TEX9: variants seen among roughly 807,000 people sequenced by gnomAD.
The protein encoded by TEX9 is testis-expressed protein 9.
A neutral mutation model predicts 59.6 loss-of-function variants in TEX9; 74 were observed. The ratio of observed to expected loss-of-function variants is 1.24; its 90% CI spans 1.03 to 1.51. The LOEUF (loss-of-function observed/expected upper bound fraction) is 1.51, where lower values mean the gene tolerates loss of function less well. Ranked by LOEUF, TEX9 falls within the 40% of genes most tolerant of loss-of-function variation. The pLI, the probability that TEX9 is intolerant of heterozygous loss-of-function variation, is 0.00. For synonymous variants in TEX9, 186 were observed against 152.2 expected (o/e 1.22, Z -1.64); for missense variants, 522 against 447.8 (o/e 1.17, Z -1.49).
intron 1 of TEX9, among the ~76,000 whole-genome samples, chr15:56,332,693 G>T (rs375827572): frequency 4.7e-5 from 7 of 150,334 alleles, no homozygotes; most frequent in Admixed American, 2.6e-4. Context: ...GACCAGAGCA[G>T]AAATAAATAA....
At chr15:56,253,497 G>A (rs1177644713) in intron 1 of TEX9, among the ~76,000 whole-genome samples, 1 of 152,108 alleles carries the variant, frequency 6.6e-6, no homozygotes, top group East Asian at 1.9e-4. Flanking sequence ...CCCTTCTGAG[G>A]TCCCTAAAGA....
intron 1 of TEX9, among the ~76,000 whole-genome samples, chr15:56,293,802 ACCAT>A (rs2045154764): frequency 1.3e-5 from 2 of 152,208 alleles, no homozygotes; most frequent in Admixed American, 1.3e-4. Flanking sequence ...AGGATTTAAC[ACCAT>A]CCATGACTTC....
intron 1 of TEX9, among the ~76,000 whole-genome samples, chr15:56,265,392 C>A (rs1352670092): frequency 1.3e-5 from 2 of 151,902 alleles, no homozygotes; most frequent in South Asian, 4.2e-4. Context: ...AGGCTGGTCT[C>A]GAACTCCTGG....
At chr15:56,255,345 A>G (rs2044121651) in intron 1 of TEX9, among the ~76,000 whole-genome samples, 1 of 152,128 alleles carries the variant, frequency 6.6e-6, no homozygotes, top group African/African-American at 2.4e-5. Context: ...TAAAAGCTGT[A>G]TGTTTTATAA....
chr15:56,455,030 T>A, the TEX9 span, among the ~76,000 whole-genome samples: 1 of 152,154 alleles, frequency 6.6e-6, no homozygotes, highest in Non-Finnish European at 1.5e-5. Context: ...TTGTTTGGAA[T>A]CAGCAGAAAC....
At chr15:56,367,408 A>G (rs1442668235) in intron 2 of TEX9, among the ~76,000 whole-genome samples, 2 of 152,214 alleles carry the variant, frequency 1.3e-5, no homozygotes, top group African/African-American at 2.4e-5. Flanking sequence ...ATTGATCATT[A>G]GAATGCTACT....
chr15:56,414,440 T>C lies in TEX9; in HGVS notation c.963+2004T>C, dbSNP rs1229974157. ...ACCCCAATGTCTGTTTCCTTCTTTG[T>C]GTTCTGTAAGTTCTTATCATTTAGC... On this transcript the variant is annotated intron_variant, in intron 10 of 12. Transcript: ENST00000352903. Among the ~76,000 whole-genome samples the C allele has an allele frequency of 2.0e-5, 3 of 151,742 alleles. 1 individual carries two copies. The highest frequency in any genetic ancestry group is 7.3e-5 in the African/African-American group (3 of 41,100).
intron 1 of TEX9, among the ~76,000 whole-genome samples, chr15:56,300,757 T>C (rs1032619742): frequency 7.2e-6 from 1 of 138,772 alleles, no homozygotes; most frequent in Non-Finnish European, 1.5e-5. Context: ...CTTCATTTCA[T>C]TTGTTTGGGG....
intron 2 of TEX9, among the ~76,000 whole-genome samples, chr15:56,370,752 C>T (rs755441667): frequency 6.6e-6 from 1 of 152,174 alleles, no homozygotes; most frequent in Non-Finnish European, 1.5e-5. Flanking sequence ...GTGATGTATA[C>T]ACAGGTGGAT....
At chr15:56,435,758 G>A (rs1484170667) in intron 12 of TEX9, among the ~76,000 whole-genome samples, 4 of 151,816 alleles carry the variant, frequency 2.6e-5, no homozygotes, top group Admixed American at 6.6e-5. Context: ...AAATTAACAC[G>A]AATTCTACAC....
intron 1 of TEX9, among the ~76,000 whole-genome samples, chr15:56,338,706 C>T (rs2046306127): frequency 6.6e-6 from 1 of 152,088 alleles, no homozygotes; most frequent in Non-Finnish European, 1.5e-5. Flanking sequence ...CACCTGAGGT[C>T]AGGAGTTTGA....
intron 1 of TEX9, among the ~76,000 whole-genome samples, chr15:56,263,013 C>T (rs1052250465): frequency 9.2e-5 from 14 of 152,048 alleles, no homozygotes; most frequent in Admixed American, 2.0e-4. Flanking sequence ...TAACAACACA[C>T]GTGGCTGTTT....
chr15:56,308,344 A>G (rs1218305157), intron 1 of TEX9, among the ~76,000 whole-genome samples: 2 of 152,146 alleles, frequency 1.3e-5, no homozygotes, highest in Non-Finnish European at 2.9e-5. Context: ...ATCTTTTCAT[A>G]TGCTTATTGA....
chr15:56,431,629 T>C (rs2050599092), intron 12 of TEX9: 1 of 639,442 alleles, frequency 1.6e-6, no homozygotes, highest in Non-Finnish European at 2.4e-6. Context: ...CAAAAGATTC[T>C]AGATAATATA....
intron 3 of TEX9, among the ~76,000 whole-genome samples, chr15:56,382,217 T>C (rs1417904720): frequency 6.6e-6 from 1 of 151,990 alleles, no homozygotes; most frequent in Admixed American, 6.6e-5. Context: ...AGTCAGGTCG[T>C]GGTGAATGTT....
At chr15:56,392,386 G>A (rs1327119757) in intron 7 of TEX9, among the ~76,000 whole-genome samples, 3 of 151,994 alleles carry the variant, frequency 2.0e-5, no homozygotes, top group Non-Finnish European at 2.9e-5. Flanking sequence ...AACAAGAGAC[G>A]GGGGAGGTGC....
intron 2 of TEX9, among the ~76,000 whole-genome samples, chr15:56,371,307 C>T (rs1031605654): frequency 6.6e-6 from 1 of 152,124 alleles, no homozygotes; most frequent in Non-Finnish European, 1.5e-5. Context: ...TCCTTCTATG[C>T]CCATTATGCT....
intron 1 of TEX9, among the ~76,000 whole-genome samples, chr15:56,349,329 A>G (rs1028269371): frequency 5.3e-5 from 8 of 152,176 alleles, no homozygotes; most frequent in African/African-American, 1.9e-4. Context: ...AACAGCTCAA[A>G]TCTAATATTG....
chr15:56,419,804 C>A (rs1437610466), intron 10 of TEX9, among the ~76,000 whole-genome samples: 5 of 151,920 alleles, frequency 3.3e-5, no homozygotes, highest in Middle Eastern at 3.4e-3. Context: ...AATCATTCTT[C>A]TGGAGAAGCT....
Sources: gnomAD v4.1 joint callset for allele counts (sites outside exome capture counted in the v4.1 genomes callset) on GRCh38, gnomAD v4.1.1 for gene constraint, MANE v1.5 for transcripts, NCBI Gene and HGNC (gene_info 2026-07-23, HGNC 2026-07-21) for gene names.